Variants in CRACD observed in about 807,000 individuals in gnomAD.
CRACD encodes capping protein inhibiting regulator of actin dynamics, also known as capping protein-inhibiting regulator of actin dynamics.
In CRACD, 56 loss-of-function variants were observed where a neutral mutation model predicts 106.8. The ratio of observed to expected loss-of-function variants is 0.52; its 90% CI spans 0.42 to 0.66. CRACD has a LOEUF of 0.66. Ranked by LOEUF, CRACD falls within the 30% of genes least tolerant of loss-of-function variation. CRACD has a pLI of 0.00. For synonymous variants in CRACD, 754 were observed against 670.8 expected, an observed-to-expected ratio of 1.12 and a Z score of -1.92; for missense variants, 1,730 against 1,623.2, an observed-to-expected ratio of 1.07 and a Z score of -1.13.
At chr4:56,055,513 T>C (rs1406373205) in intron 1 of CRACD, among the ~76,000 whole-genome samples, 1 of 152,176 alleles carries the variant, frequency 6.6e-6, no homozygotes, top group Non-Finnish European at 1.5e-5. Flanking sequence ...GCTCATGTTC[T>C]TAGGGAAGAT....
chr4:56,281,478 C>T (rs1363833092), intron 3 of CRACD, among the ~76,000 whole-genome samples: 1 of 152,060 alleles, frequency 6.6e-6, no homozygotes, highest in Non-Finnish European at 1.5e-5. Flanking sequence ...AGCTAGGGAC[C>T]TCTCAGGAAG....
intron 2 of CRACD, among the ~76,000 whole-genome samples, chr4:56,244,477 T>G (rs556066179): frequency 6.6e-6 from 1 of 152,330 alleles, no homozygotes; most frequent in East Asian, 1.9e-4. Context: ...AGGTCCAGGC[T>G]ACAGATCCAA....
intron 1 of CRACD, among the ~76,000 whole-genome samples, chr4:56,167,679 C>G (rs376494545): frequency 6.6e-6 from 1 of 152,106 alleles, no homozygotes; most frequent in Non-Finnish European, 1.5e-5. Context: ...TTCAAGTTGT[C>G]GCAAATGATA....
At position 56,252,006 on chromosome 4, in the gene CRACD, CAG is replaced by C. The variant is rs1577805739; in HGVS notation, c.-188-20313_-188-20312del. Among the ~76,000 whole-genome samples, 3 of 152,040 alleles carry C rather than the reference CAG, an allele frequency of 2.0e-5. No individual in the cohort carries two copies. The South Asian group carries it at 6.2e-4, about 32-fold the overall frequency. On this transcript the variant is annotated intron_variant, in intron 2 of 10. Coordinates refer to ENST00000682029, the MANE Select transcript of CRACD (RefSeq NM_001393381.1). ...TATATATACGCATATAAACTGCAAA[CAG>C]AATTATCAAGAAGTAGTGCCAACAT...
intron 3 of CRACD, among the ~76,000 whole-genome samples, chr4:56,291,064 T>A (rs924137112): frequency 6.6e-6 from 1 of 152,314 alleles, no homozygotes; most frequent in Middle Eastern, 3.4e-3. Flanking sequence ...TCTGTGGGAT[T>A]TTAGAGGTCT....
At chr4:56,111,735 G>T (rs112463168) in intron 1 of CRACD, among the ~76,000 whole-genome samples, 1 of 152,036 alleles carries the variant, frequency 6.6e-6, no homozygotes, top group African/African-American at 2.4e-5. Context: ...GGCCAGGCTG[G>T]TCTCGAACTG....
intron 2 of CRACD, among the ~76,000 whole-genome samples, chr4:56,180,188 C>A (rs549807782): frequency 2.6e-5 from 4 of 151,888 alleles, no homozygotes; most frequent in Non-Finnish European, 5.9e-5. Context: ...ATCTGCCTCC[C>A]CTGTAAAAAT....
At chr4:56,282,631 A>C (rs527338214) in intron 3 of CRACD, among the ~76,000 whole-genome samples, 63 of 152,290 alleles carry the variant, frequency 4.1e-4, no homozygotes, top group African/African-American at 1.3e-3. Context: ...CCAGGATCCA[A>C]TCTGAGTCCC....
chr4:56,229,018 G>C (rs1739469203), intron 2 of CRACD, among the ~76,000 whole-genome samples: 1 of 152,098 alleles, frequency 6.6e-6, no homozygotes, highest in Non-Finnish European at 1.5e-5. Context: ...TGTTTTGAAA[G>C]TCATACATAA....
intron 6 of CRACD, chr4:56,310,993 G>C (rs187488736): frequency 4.7e-4 from 212 of 447,748 alleles, no homozygotes; most frequent in Non-Finnish European, 7.4e-4. Flanking sequence ...CCTAGAAGTT[G>C]GTAGCTTTCC....
intron 3 of CRACD, among the ~76,000 whole-genome samples, chr4:56,274,356 T>C (rs964053557): frequency 1.3e-4 from 20 of 152,226 alleles, no homozygotes; most frequent in Admixed American, 4.6e-4. Context: ...GTCTGGAAAG[T>C]TCTCCCTTAG....
At chr4:56,323,961 A>G in intron 9 of CRACD, 143 bp from the exon 10 acceptor site, 2 of 870,528 alleles carry the variant, frequency 2.3e-6, no homozygotes, top group South Asian at 1.8e-5. Flanking sequence ...GGTTGAGCGT[A>G]CATGGCTCAT....
At chr4:56,082,125 CT>C (rs1733054294) in intron 1 of CRACD, among the ~76,000 whole-genome samples, 1 of 152,168 alleles carries the variant, frequency 6.6e-6, no homozygotes, top group African/African-American at 2.4e-5. Context: ...AGAGTTGCCT[CT>C]AGAGACTACT....
rs1262824618 is a variant in CRACD, at chr4:56,314,480, G to T, written c.978G>T (p.Gln326His). The T allele has an allele frequency of 4.6e-6, 7 of 1,528,428 alleles. No individual in the cohort carries two copies. In the Admixed American group the frequency reaches 1.1e-4, roughly 23 times the overall value. 94.7% of individuals were successfully genotyped at this position (1,528,428 alleles called of 1,614,324 possible). ...AGGAGCGAAGGCGTCTGCAGGCCCAGGCCCAAGCGGAGGAGAGGCGGCGGC... is the reference window on the plus strand; with the variant it reads ...AGGAGCGAAGGCGTCTGCAGGCCCATGCCCAAGCGGAGGAGAGGCGGCGGC... ...AEEERRRLQA[Q>H]AQAEERRRLE... The change falls in exon 8 of 11, where the codon CAG becomes CAT. Residue 326 changes from glutamine to histidine, a missense_variant. This residue lies in a region of CRACD where 1,620 missense variants were observed against 1,481.6 expected (regional missense o/e 1.09). Coordinates refer to ENST00000682029, the MANE Select transcript of CRACD (RefSeq NM_001393381.1). This position sits in a 1 kb window ranked among gnomAD's most constrained non-coding sequence, Gnocchi z 4.4.
intron 2 of CRACD, among the ~76,000 whole-genome samples, chr4:56,193,723 C>T (rs1456674995): frequency 1.3e-5 from 2 of 152,152 alleles, no homozygotes; most frequent in African/African-American, 4.8e-5. Flanking sequence ...CAGAGACTCA[C>T]TTACAAATAG....
At chr4:56,325,574 A>C (rs1746390155) in intron 10 of CRACD, among the ~76,000 whole-genome samples, 1 of 152,220 alleles carries the variant, frequency 6.6e-6, no homozygotes, top group South Asian at 2.1e-4. Context: ...AATTAACAAC[A>C]GCAGTTTTTA....
At chr4:56,138,070 A>ACCC (rs66879126) in intron 1 of CRACD, among the ~76,000 whole-genome samples, 106 of 151,218 alleles carry the variant, frequency 7.0e-4, no homozygotes, top group East Asian at 1.9e-3. Flanking sequence ...ACATTGACCA[A>ACCC]CCCCCCCACC....
chr4:56,058,878 C>T (rs1209328630), intron 1 of CRACD, among the ~76,000 whole-genome samples: 5 of 152,222 alleles, frequency 3.3e-5, no homozygotes, highest in African/African-American at 1.2e-4. Flanking sequence ...GTCAGGGAAC[C>T]TCCGACACTT....
At chr4:56,300,325 T>C (rs1012964968) in intron 4 of CRACD, among the ~76,000 whole-genome samples, 2 of 148,268 alleles carry the variant, frequency 1.3e-5, no homozygotes, top group Non-Finnish European at 3.0e-5. Context: ...TAGGTCTTGA[T>C]GCCTGCTGCC....
Sources: allele counts gnomAD v4.1 joint callset (sites outside exome capture counted in the v4.1 genomes callset), GRCh38; gene constraint gnomAD v4.1.1; regional missense constraint gnomAD v4.1.1; non-coding constraint Gnocchi (gnomAD v3.1); transcripts MANE v1.5; gene names NCBI Gene and HGNC (gene_info 2026-07-23, HGNC 2026-07-21).